Variants in IQCM observed in about 807,000 individuals in gnomAD.
IQCM encodes the protein IQ motif containing M.
IQCM carries 45 observed loss-of-function variants against 57.6 expected under a neutral mutation model. The observed-to-expected ratio is 0.78, with a 90% CI of 0.62 to 1.00. The LOEUF (loss-of-function observed/expected upper bound fraction) is 1.00, where lower values mean the gene tolerates loss of function less well. IQCM is among the 50% of genes least tolerant of loss of function. The probability of loss-of-function intolerance (pLI) is 0.00; values close to 1 mark genes in which losing one functional copy is unlikely to be tolerated. For missense variants in IQCM, 468 were observed against 511.6 expected (o/e 0.91, Z 0.82); for synonymous variants, 148 against 158.9 (o/e 0.93, Z 0.51).
chr4:149,460,338 C>G (rs570321383), intron 12 of IQCM, among the ~76,000 whole-genome samples: 1 of 152,084 alleles, frequency 6.6e-6, no homozygotes, highest in South Asian at 2.1e-4. Context: ...ACATGATTTG[C>G]AAATATGTTC....
At chr4:149,665,337 A>G (rs770153214) in intron 7 of IQCM, among the ~76,000 whole-genome samples, 3 of 152,170 alleles carry the variant, frequency 2.0e-5, no homozygotes, top group African/African-American at 2.4e-5. Flanking sequence ...CATCTAAGGC[A>G]GTAATGAGGA....
chr4:149,559,985 C>T (rs1406342652), intron 10 of IQCM, among the ~76,000 whole-genome samples: 2 of 152,126 alleles, frequency 1.3e-5, no homozygotes, highest in Non-Finnish European at 2.9e-5. Context: ...AATCTAATGC[C>T]TGATGATCTG....
chr4:149,640,400 G>T (rs1758082079), intron 7 of IQCM, among the ~76,000 whole-genome samples: 1 of 152,106 alleles, frequency 6.6e-6, no homozygotes, highest in South Asian at 2.1e-4. Context: ...AATCAATAAA[G>T]TTTAATGCTT....
chr4:149,433,618 T>C, intron 12 of IQCM, 61 bp from the exon 13 acceptor site: 1 of 630,790 alleles, frequency 1.6e-6, no homozygotes, highest in East Asian at 3.5e-5. Context: ...CATACTTGCT[T>C]CTTTTAAGGG....
At chr4:149,374,733 C>G (rs1475234177) in intron 13 of IQCM, among the ~76,000 whole-genome samples, 1 of 152,048 alleles carries the variant, frequency 6.6e-6, no homozygotes, top group Non-Finnish European at 1.5e-5. Context: ...GTCCTGAGAC[C>G]TAGCTCCCAA....
intron 12 of IQCM, among the ~76,000 whole-genome samples, chr4:149,441,531 T>C (rs1735940094): frequency 6.6e-6 from 1 of 152,166 alleles, no homozygotes; most frequent in Non-Finnish European, 1.5e-5. Flanking sequence ...ATCCTTCTTT[T>C]TTCATGAAAA....
At chr4:149,609,463 C>T (rs1027930073) in intron 8 of IQCM, among the ~76,000 whole-genome samples, 1 of 151,684 alleles carries the variant, frequency 6.6e-6, no homozygotes, top group Non-Finnish European at 1.5e-5. Context: ...AGGCCAATAT[C>T]TTGACCATAG....
chr4:149,663,607 T>C (rs978675848), intron 7 of IQCM, among the ~76,000 whole-genome samples: 7 of 151,056 alleles, frequency 4.6e-5, no homozygotes, highest in Non-Finnish European at 8.9e-5. Context: ...CTAGGTATAG[T>C]ATTCTTTACT....
At chr4:149,385,606 C>G (rs978644707) in intron 13 of IQCM, among the ~76,000 whole-genome samples, 3 of 152,068 alleles carry the variant, frequency 2.0e-5, no homozygotes, top group African/African-American at 7.2e-5. Flanking sequence ...ATCTATCATG[C>G]TTGACATGCT....
intron 13 of IQCM, among the ~76,000 whole-genome samples, chr4:149,396,576 C>T (rs957483106): frequency 6.6e-6 from 1 of 151,932 alleles, no homozygotes; most frequent in Non-Finnish European, 1.5e-5. Flanking sequence ...ATTGGAAGAA[C>T]ATTTAACATG....
intron 12 of IQCM, among the ~76,000 whole-genome samples, chr4:149,452,479 AAGATAAATAAATAGATCAAT>A (rs1220396309): frequency 6.6e-6 from 1 of 151,596 alleles, no homozygotes; most frequent in Non-Finnish European, 1.5e-5. Context: ...TATTCATGTA[AAGATAAATAAATAGATCAAT>A]AGAATTGTAT....
chr4:149,563,217 G>A (rs1354924826), intron 10 of IQCM, among the ~76,000 whole-genome samples: 1 of 152,118 alleles, frequency 6.6e-6, no homozygotes, highest in Non-Finnish European at 1.5e-5. Flanking sequence ...GGGAAGTGAA[G>A]GAAAGTTGCT....
chr4:149,665,878 A>C (rs72726179), intron 7 of IQCM, among the ~76,000 whole-genome samples: 31,777 of 151,846 alleles, frequency 0.21, 4,133 homozygotes, highest in Non-Finnish European at 0.28. Flanking sequence ...CGGCCACCAC[A>C]TTTCTCCCAC....
At chr4:149,795,398 C>T (rs1394683176) in intron 2 of IQCM, among the ~76,000 whole-genome samples, 2 of 152,124 alleles carry the variant, frequency 1.3e-5, no homozygotes, top group Non-Finnish European at 2.9e-5. Context: ...GCATTTAAAC[C>T]AGCCCTAGCC....
intron 13 of IQCM, among the ~76,000 whole-genome samples, chr4:149,368,970 ATATGTGTATATATATACACGTG>A (rs1275901973): frequency 4.1e-5 from 2 of 48,524 alleles, no homozygotes; most frequent in Admixed American, 5.8e-4. Flanking sequence ...GTGTATATAT[ATATGTGTATATATATACACGTG>A]TATATATATA....
At chr4:149,687,788 G>T (rs1362994388) in intron 5 of IQCM, among the ~76,000 whole-genome samples, 1 of 151,952 alleles carries the variant, frequency 6.6e-6, no homozygotes, top group South Asian at 2.1e-4. Flanking sequence ...TGCAGGGATG[G>T]TTTAACATAT....
intron 2 of IQCM, among the ~76,000 whole-genome samples, chr4:149,780,068 A>T (rs1352993541): frequency 6.6e-6 from 1 of 152,144 alleles, no homozygotes; most frequent in African/African-American, 2.4e-5. Flanking sequence ...CTTCAATGAG[A>T]TATTTGTTCG....
intron 13 of IQCM, among the ~76,000 whole-genome samples, chr4:149,422,396 C>T (rs1734179674): frequency 6.6e-6 from 1 of 151,950 alleles, no homozygotes; most frequent in Non-Finnish European, 1.5e-5. Context: ...CTCACCTCTA[C>T]TCCCAAGAAA....
At chr4:149,779,580 T>C (rs185620317) in intron 2 of IQCM, among the ~76,000 whole-genome samples, 3 of 152,188 alleles carry the variant, frequency 2.0e-5, no homozygotes, top group Admixed American at 2.0e-4. Context: ...CTAAACCTTA[T>C]ACAAAAAATT....
Sources: allele counts gnomAD v4.1 joint callset (sites outside exome capture counted in the v4.1 genomes callset), GRCh38; gene constraint gnomAD v4.1.1; transcripts MANE v1.5; gene names NCBI Gene and HGNC (gene_info 2026-07-23, HGNC 2026-07-21).